The following ZNF589 variants were observed in gnomAD, a reference collection of about 807,000 sequenced individuals.
The protein encoded by ZNF589 is zinc finger protein 589, also known as KRAB-zinc finger protein SZF1-1.
A neutral mutation model predicts 13.6 loss-of-function variants in ZNF589; 17 were observed. The ratio of observed to expected loss-of-function variants is 1.25; its 90% CI spans 0.86 to 1.88. The LOEUF is 1.88. Among genes scored for constraint, ZNF589 ranks in the 40% most tolerant of loss-of-function variants. The probability of loss-of-function intolerance (pLI) is 0.00; values close to 1 mark genes in which losing one functional copy is unlikely to be tolerated. For missense variants in ZNF589, 407 were observed against 434.0 expected, an observed-to-expected ratio of 0.94 and a Z score of 0.55; for synonymous variants, 148 against 161.6, an observed-to-expected ratio of 0.92 and a Z score of 0.64.
At chr3:48,260,110 G>A (rs73072380) in intron 2 of ZNF589, among the ~76,000 whole-genome samples, 6,332 of 152,160 alleles carry the variant, frequency 0.042, 237 homozygotes, top group South Asian at 0.047. Flanking sequence ...TCATTTAGAA[G>A]AGAAGAGACT....
chr3:48,265,442 A>G (rs1008786346), intron 3 of ZNF589, among the ~76,000 whole-genome samples: 1 of 151,562 alleles, frequency 6.6e-6, no homozygotes, highest in Non-Finnish European at 1.5e-5. Flanking sequence ...CGGCGCCACC[A>G]TGACCGATTA....
chr3:48,264,163 C>A (rs1159172824), intron 3 of ZNF589, among the ~76,000 whole-genome samples: 1 of 152,152 alleles, frequency 6.6e-6, no homozygotes, highest in Non-Finnish European at 1.5e-5. Context: ...GCCCTCTAAG[C>A]AGCTTGGCTT....
At chr3:48,242,724 G>A (rs1449509715) in intron 1 of ZNF589, among the ~76,000 whole-genome samples, 1 of 152,174 alleles carries the variant, frequency 6.6e-6, no homozygotes, top group Non-Finnish European at 1.5e-5. Flanking sequence ...ATAGGTAAAC[G>A]AATGAGCATT....
chr3:48,245,336 T>C (rs978902202), intron 1 of ZNF589, among the ~76,000 whole-genome samples: 26 of 152,094 alleles, frequency 1.7e-4, no homozygotes, highest in African/African-American at 5.8e-4. Context: ...GATCTTGAAC[T>C]TCTGGGCTCA....
chr3:48,256,966 A>T (rs537715302), intron 2 of ZNF589: 2 of 622,204 alleles, frequency 3.2e-6, no homozygotes, highest in Admixed American at 4.2e-5. Context: ...GACCTCCACA[A>T]TGATTGATTT....
At chr3:48,241,778 C>T (rs2106827655) in intron 1 of ZNF589, among the ~76,000 whole-genome samples, 1 of 152,208 alleles carries the variant, frequency 6.6e-6, no homozygotes, top group East Asian at 1.9e-4. Context: ...GATCCGCCCA[C>T]CTCGGCCTCC....
Position 48,268,850 on chromosome 3 carries a change from C to A in ZNF589, c.*64C>A. The A allele has an allele frequency of 5.3e-6, 8 of 1,507,560 alleles. No homozygotes were observed. The highest frequency in any genetic ancestry group is 6.2e-6 in the Non-Finnish European group (7 of 1,125,652). 93.4% of individuals were successfully genotyped at this position (1,507,560 alleles called of 1,614,324 possible). On this transcript the variant is annotated 3_prime_UTR_variant, in exon 4 of 4. Transcript: ENST00000354698. ...CCAGAGGATACATTCAGATGAGAAG[C>A]CTTTTGTTTGCAGAGAGTGTGGGCG...
In ZNF589 at chr3:48,268,451, G is replaced by A; in HGVS notation, c.760G>A (p.Gly254Arg). 1.9e-6 allele frequency: 3 copies of A among 1,614,202 alleles called. No homozygotes were observed. The highest frequency in any genetic ancestry group is 2.5e-6 in the Non-Finnish European group (3 of 1,180,038). Residue 254 changes from glycine (G) to arginine (R), a missense_variant, in exon 4 of 4, where the codon GGG becomes AGG. By Grantham distance (125) the Gly-to-Arg change is moderately radical. Coordinates refer to ENST00000354698, the MANE Select transcript of ZNF589 (RefSeq NM_016089.3). ...GCAGTCACAGGTGTGCAGGGAGTGTGGGCGAGGCTTTAGCAGGAAGTCACA... is the reference window on the plus strand; with the variant it reads ...GCAGTCACAGGTGTGCAGGGAGTGTAGGCGAGGCTTTAGCAGGAAGTCACA... Reference protein sequence around the residue: ...KRQSQVCRECGRGFSRKSQLI... With the variant: ...KRQSQVCRECRRGFSRKSQLI...
intron 2 of ZNF589, among the ~76,000 whole-genome samples, chr3:48,258,456 T>C (rs1183353198): frequency 6.6e-6 from 1 of 152,224 alleles, no homozygotes; most frequent in Admixed American, 6.5e-5. Flanking sequence ...GAAAACCGTG[T>C]CCTTGGCAAA....
chr3:48,263,217 C>G (rs1190298250), intron 3 of ZNF589, among the ~76,000 whole-genome samples: 2 of 151,746 alleles, frequency 1.3e-5, no homozygotes, highest in Admixed American at 1.3e-4. Flanking sequence ...TCAAGTGATT[C>G]TCCTGCCTCA....
chr3:48,249,594 G>A (rs375331171), intron 2 of ZNF589, among the ~76,000 whole-genome samples: 32 of 152,222 alleles, frequency 2.1e-4, no homozygotes, highest in African/African-American at 7.2e-4. Flanking sequence ...ATAGCTATTC[G>A]TTAGGCATTC....
chr3:48,260,701 G>C (rs1395452100), intron 2 of ZNF589, 112 bp from the exon 3 acceptor site: 6 of 1,497,508 alleles, frequency 4.0e-6, no homozygotes, highest in African/African-American at 1.4e-5. Flanking sequence ...GAGCCACCGT[G>C]CCCGGCCTAG....
rs1238400803 is a variant in ZNF589 at position 48,268,711 on chromosome 3, C to A, written c.1020C>A (p.Gly340=). 1.2e-6 allele frequency: 2 copies of A among 1,614,042 alleles called. No individual in the cohort carries two copies. The highest frequency in any genetic ancestry group is 1.7e-6 in the Non-Finnish European group (2 of 1,180,032). The stretch of plus-strand genomic sequence containing the variant: ...TTATGTGCACAGTGTGTGGGCGAGG[C>A]TTTCGTGAAAAGTCAGAGCTCATTA... ...KSFMCTVCGR[G]FREKSELIKH... is the part of the protein sequence containing the mutation. The change falls in exon 4 of 4, where the codon GGC becomes GGA. Residue 340 remains glycine, a synonymous_variant. Transcript: ENST00000354698.
chr3:48,270,070 TCTGA>T lies in ZNF589; in HGVS notation c.*1287_*1290del. On this transcript the variant is annotated 3_prime_UTR_variant, in exon 4 of 4. Coordinates refer to ENST00000354698, the MANE Select transcript of ZNF589 (RefSeq NM_016089.3). ...TCCCCTTGGAGGAATGGTCTTTGCA[TCTGA>T]CTACTTCCTTCTGCAACTGTGTTCT... 2.2e-6 allele frequency: 1 copy of T among 457,262 alleles called. No homozygotes were observed. The highest frequency in any genetic ancestry group is 4.4e-6 in the Non-Finnish European group (1 of 227,100). The allele number at this position is 457,262 out of a possible 1,614,324, so 28.3% of individuals were successfully genotyped here. A position where few individuals can be genotyped will look rare whatever the true frequency, so the allele number is the denominator to read the frequency against.
At chr3:48,261,105 C>A (rs1363583215) in intron 3 of ZNF589, among the ~76,000 whole-genome samples, 166 bp downstream of exon 3, 1 of 151,896 alleles carries the variant, frequency 6.6e-6, no homozygotes, top group Non-Finnish European at 1.5e-5. Flanking sequence ...TGACAATATA[C>A]AATAAGCAGC....
At position 48,270,612 on chromosome 3, in the gene ZNF589, C is replaced by T. The variant is rs2034080034; in HGVS notation, c.*1826C>T. On this transcript the variant is annotated 3_prime_UTR_variant, in exon 4 of 4. Coordinates refer to ENST00000354698, the MANE Select transcript of ZNF589 (RefSeq NM_016089.3). ...CTGATACCCTGTGTCAATGAGTGTA[C>T]CTTGGAGAGCTATCCACTCAGGCCC... 4.2e-6 allele frequency: 1 copy of T among 239,814 alleles called. No homozygotes were observed. The highest frequency in any genetic ancestry group is 2.2e-5 in the African/African-American group (1 of 44,830). 14.9% of individuals were successfully genotyped at this position (239,814 alleles called of 1,614,324 possible).
intron 3 of ZNF589, 143 bp downstream of exon 3, chr3:48,261,082 A>G (rs1460218250): frequency 2.8e-5 from 25 of 899,976 alleles, no homozygotes; most frequent in Non-Finnish European, 3.8e-5. Flanking sequence ...CTTATATTCT[A>G]GTATAGGTAG....
chr3:48,256,234 C>T, intron 2 of ZNF589: 1 of 347,962 alleles, frequency 2.9e-6, no homozygotes, highest in Non-Finnish European at 5.5e-6. Context: ...GTCAGAGGGG[C>T]CAGGCCGTCA....
intron 2 of ZNF589, among the ~76,000 whole-genome samples, chr3:48,254,857 G>T (rs1387546260): frequency 1.4e-5 from 2 of 145,384 alleles, no homozygotes; most frequent in African/African-American, 2.5e-5. Flanking sequence ...TAGTTCCAAG[G>T]TTTTTTTTTT....
Sources: gnomAD v4.1 joint callset for allele counts (sites outside exome capture counted in the v4.1 genomes callset) on GRCh38, gnomAD v4.1.1 for gene constraint, MANE v1.5 for transcripts, NCBI Gene and HGNC (gene_info 2026-07-23, HGNC 2026-07-21) for gene names.